PARP16: variants seen among roughly 807,000 people sequenced by gnomAD.
PARP16 encodes the protein poly(ADP-ribose) polymerase family member 16.
Under a neutral mutation model 35.0 loss-of-function variants are expected in PARP16, and 31 were observed. That is an observed-to-expected ratio of 0.88 (90% CI 0.66 to 1.19). The LOEUF is 1.19. PARP16 is among the 50% of genes most tolerant of loss of function. The pLI, the probability that PARP16 is intolerant of heterozygous loss-of-function variation, is 0.00. For missense variants in PARP16, 424 were observed against 411.2 expected (o/e 1.03, Z -0.27); for synonymous variants, 162 against 169.5 (o/e 0.96, Z 0.34).
At chr15:65,267,677 A>AATT (rs2089948524) in intron 2 of PARP16, among the ~76,000 whole-genome samples, 1 of 90,368 alleles carries the variant, frequency 1.1e-5, no homozygotes, top group Non-Finnish European at 2.1e-5. Flanking sequence ...AATTTTCCTA[A>AATT]CTTTTTTTTT....
At position 65,259,040 on chromosome 15, in the gene PARP16, G is replaced by C. The variant is rs1210984129; in HGVS notation, c.*367C>G. 1 of 168,236 alleles carries C rather than the reference G, an allele frequency of 5.9e-6. No homozygotes were observed. The highest frequency in any genetic ancestry group is 1.3e-5 in the Non-Finnish European group (1 of 78,314). The allele number at this position is 168,236 out of a possible 1,614,324, so 10.4% of individuals were successfully genotyped here. ...CGCCTTCCAGAAGGCATTAGAGAAA[G>C]GGCCAACCTCTGCCAGGAGAGATTG... On this transcript the variant is annotated 3_prime_UTR_variant, in exon 6 of 6. Coordinates refer to ENST00000649807, the MANE Select transcript of PARP16 (RefSeq NM_001316943.2).
intron 3 of PARP16, among the ~76,000 whole-genome samples, chr15:65,241,692 GT>G (rs1234964780): frequency 1.3e-5 from 2 of 151,874 alleles, no homozygotes; most frequent in South Asian, 2.1e-4. Context: ...TTTTACATTA[GT>G]TTTTTATATT....
At chr15:65,248,469 A>T (rs2089270035) in intron 2 of PARP16, among the ~76,000 whole-genome samples, 2 of 151,998 alleles carry the variant, frequency 1.3e-5, no homozygotes, top group Admixed American at 6.6e-5. Flanking sequence ...CCTCAAAGAT[A>T]CTCACATACA....
rs553556152 is a variant in PARP16, at chr15:65,275,729, C to T, written c.175-4657G>A. Reference sequence around the variant, plus strand: ...TTGTTCTGTAGGTTATACAGAGTCACTGAAGACATATCCCAAATGGTGTAC... The same window carrying T: ...TTGTTCTGTAGGTTATACAGAGTCATTGAAGACATATCCCAAATGGTGTAC... On this transcript the variant is annotated intron_variant, in intron 1 of 5. Transcript: ENST00000649807. 4.6e-5 allele frequency among the ~76,000 whole-genome samples: 7 copies of T among 152,278 alleles called. No homozygotes were observed. The East Asian group carries it at 1.3e-3, about 29-fold the overall frequency.
intron 1 of PARP16, among the ~76,000 whole-genome samples, chr15:65,281,838 T>A (rs1401310693): frequency 6.6e-6 from 1 of 151,766 alleles, no homozygotes; most frequent in Non-Finnish European, 1.5e-5. Flanking sequence ...CAGTGGGGAG[T>A]TCTCAGGAAA....
intron 2 of PARP16, among the ~76,000 whole-genome samples, 157 bp from the exon 3 acceptor site, chr15:65,266,925 A>C (rs2089912295): frequency 6.6e-6 from 1 of 152,220 alleles, no homozygotes; most frequent in South Asian, 2.1e-4. Context: ...CAGAGCGTAT[A>C]GCACAAGACT....
chr15:65,271,783 C>T (rs1431926501), intron 1 of PARP16, among the ~76,000 whole-genome samples: 2 of 152,170 alleles, frequency 1.3e-5, no homozygotes, highest in Non-Finnish European at 2.9e-5. Context: ...CATTACAAAG[C>T]CTTTTCCTTT....
At chr15:65,255,597 C>G (rs889305980), downstream of PARP16, among the ~76,000 whole-genome samples, 2 of 151,878 alleles carry the variant, frequency 1.3e-5, no homozygotes, top group Admixed American at 6.6e-5. Flanking sequence ...TCATGTCCCT[C>G]CACTAACCCT....
chr15:65,251,978 A>G (rs2089374832), intron 2 of PARP16, among the ~76,000 whole-genome samples: 1 of 152,020 alleles, frequency 6.6e-6, no homozygotes, highest in South Asian at 2.1e-4. Context: ...GTTAGCCAGG[A>G]TGGTCTCGAT....
At chr15:65,284,119 A>G (rs1595726645) in intron 1 of PARP16, among the ~76,000 whole-genome samples, 2 of 152,076 alleles carry the variant, frequency 1.3e-5, no homozygotes, top group Non-Finnish European at 2.9e-5. Context: ...AGATAACGCT[A>G]AACACGTGTT....
At chr15:65,278,397 A>T (rs1405769975) in intron 1 of PARP16, among the ~76,000 whole-genome samples, 1 of 152,254 alleles carries the variant, frequency 6.6e-6, no homozygotes, top group Non-Finnish European at 1.5e-5. Context: ...CTCACAGGCA[A>T]CACATCTGCA....
chr15:65,238,980 A>G (rs1054624308), intron 3 of PARP16, among the ~76,000 whole-genome samples: 3 of 152,106 alleles, frequency 2.0e-5, no homozygotes, highest in Admixed American at 6.5e-5. Context: ...AATAAAAACC[A>G]ATTAGCCAGG....
intron 3 of PARP16, among the ~76,000 whole-genome samples, chr15:65,240,316 G>T (rs1313620239): frequency 1.8e-4 from 23 of 128,592 alleles, no homozygotes; most frequent in African/African-American, 3.2e-4. Flanking sequence ...GTGTGGTGGG[G>T]GGGGCTAGTG....
downstream of PARP16, among the ~76,000 whole-genome samples, chr15:65,232,911 C>G (rs1217247119): frequency 1.4e-4 from 1 of 7,108 alleles, no homozygotes; most frequent in African/African-American, 1.8e-4. Flanking sequence ...CAAAACAAAA[C>G]AAAACAAACA....
downstream of PARP16, among the ~76,000 whole-genome samples, chr15:65,254,841 TA>T (rs1258482272): frequency 2.0e-5 from 3 of 152,128 alleles, no homozygotes; most frequent in Non-Finnish European, 2.9e-5. Flanking sequence ...TGAAATGAAT[TA>T]AACAGAAATG....
At chr15:65,256,407 C>CTT (rs11422149), downstream of PARP16, among the ~76,000 whole-genome samples, 1,116 of 121,484 alleles carry the variant, frequency 9.2e-3, 34 homozygotes, top group Non-Finnish European at 0.014. Context: ...CTGCCCACGG[C>CTT]TTTTTTTTTT....
In PARP16 at chr15:65,241,437, G is replaced by A. The variant is rs117975138; in HGVS notation, c.*98-6614C>T. ...ATTACAAGCATGAACCACCATGCCC[G>A]GCCAGTTTTCTAAAGTGCTTATACA... is the stretch of plus-strand genomic sequence containing the variant. On this transcript the variant is annotated intron_variant and NMD_transcript_variant, in intron 3 of 3. Coordinates refer to the PARP16 transcript ENST00000559805. Among the ~76,000 whole-genome samples the A allele has an allele frequency of 8.7e-3, 1,318 of 152,258 alleles. 13 individuals are homozygous for A. Among genetic ancestry groups the A allele is most frequent in the Non-Finnish European group, 0.015 (1,015 of 68,018 alleles).
In PARP16 at chr15:65,272,971, T is replaced by C. The variant is rs193133019; in HGVS notation, c.175-1899A>G. Among the ~76,000 whole-genome samples the C allele has an allele frequency of 2.0e-4, 30 of 152,218 alleles. No homozygotes were observed. In the East Asian group the frequency reaches 5.2e-3, roughly 27 times the overall value. ...TCCTTCTGCTTTGCAAGGGATGTAG[T>C]TGGCACTTCAAGAATACCTGTGTGG... On this transcript the variant is annotated intron_variant, in intron 1 of 5. Transcript: ENST00000649807.
intron 3 of PARP16, among the ~76,000 whole-genome samples, chr15:65,240,466 G>A (rs184415808): frequency 6.6e-6 from 1 of 151,802 alleles, no homozygotes; most frequent in East Asian, 1.9e-4. Flanking sequence ...TCAATCAATC[G>A]CCCACCTCAG....
Sources: allele counts gnomAD v4.1 joint callset (sites outside exome capture counted in the v4.1 genomes callset), GRCh38; gene constraint gnomAD v4.1.1; transcripts MANE v1.5; gene names NCBI Gene and HGNC (gene_info 2026-07-23, HGNC 2026-07-21).